BRINP1: variants seen among roughly 807,000 people sequenced by gnomAD.
The protein encoded by BRINP1 is BMP/retinoic acid-inducible neural-specific protein 1.
BRINP1 carries 17 observed loss-of-function variants against 72.9 expected under a neutral mutation model. The observed-to-expected ratio is 0.23, with a 90% CI of 0.16 to 0.35. BRINP1 has a LOEUF of 0.35. Among genes scored for constraint, BRINP1 ranks in the 10% least tolerant of loss-of-function variants. The pLI is 1.00. For synonymous variants in BRINP1, 418 were observed against 378.5 expected, an observed-to-expected ratio of 1.10 and a Z score of -1.21; for missense variants, 850 against 1,001.6, an observed-to-expected ratio of 0.85 and a Z score of 2.04.
chr9:119,205,897 C>T (rs1829848966), intron 7 of BRINP1, among the ~76,000 whole-genome samples: 2 of 152,122 alleles, frequency 1.3e-5, no homozygotes, highest in African/African-American at 4.8e-5. Context: ...AGCTTCGTTG[C>T]TCCTTGGGAT....
At chr9:119,205,128 C>T (rs965641030) in intron 7 of BRINP1, among the ~76,000 whole-genome samples, 2 of 149,594 alleles carry the variant, frequency 1.3e-5, no homozygotes, top group Admixed American at 6.7e-5. Flanking sequence ...AGGTGCCCTG[C>T]GGTGTGAGAA....
In BRINP1 at chr9:119,368,965, G is replaced by T; in HGVS notation, c.-51+91C>A. The T allele has an allele frequency of 2.6e-6, 1 of 389,666 alleles. No homozygotes were observed. The highest frequency in any genetic ancestry group is 4.5e-6 in the Non-Finnish European group (1 of 220,720). The allele number at this position is 389,666 out of a possible 1,614,324, so 24.1% of individuals were successfully genotyped here. A position where few individuals can be genotyped will look rare whatever the true frequency, so the allele number is the denominator to read the frequency against. ...GGACAAGGGTGCCGGTAGGGGGAGG[G>T]GCAGAGGAGCGCGGGGACGCCCCGA... On this transcript the variant is annotated intron_variant, in intron 1 of 7. Coordinates refer to ENST00000265922, the MANE Select transcript of BRINP1 (RefSeq NM_014618.3). This position sits in a 1 kb window ranked among gnomAD's most constrained non-coding sequence, Gnocchi z 4.7.
At chr9:119,183,200 A>G (rs2118840621) in intron 7 of BRINP1, among the ~76,000 whole-genome samples, 1 of 152,274 alleles carries the variant, frequency 6.6e-6, no homozygotes, top group African/African-American at 2.4e-5. Context: ...AGGCATATAT[A>G]AAGACATGTA....
intron 7 of BRINP1, among the ~76,000 whole-genome samples, chr9:119,198,483 G>A (rs1293783026): frequency 6.6e-6 from 1 of 152,082 alleles, no homozygotes; most frequent in Non-Finnish European, 1.5e-5. Flanking sequence ...TGTCAGACTA[G>A]AGAGTCTGAA....
At chr9:119,190,067 A>C (rs1829666506) in intron 7 of BRINP1, among the ~76,000 whole-genome samples, 1 of 152,068 alleles carries the variant, frequency 6.6e-6, no homozygotes, top group Non-Finnish European at 1.5e-5. Context: ...ATGCTCCTTA[A>C]CAACCAATAG....
At chr9:119,171,833 C>CA (rs1222637103) in intron 7 of BRINP1, among the ~76,000 whole-genome samples, 1 of 118,234 alleles carries the variant, frequency 8.5e-6, no homozygotes, top group Non-Finnish European at 1.7e-5. Context: ...GAATCTCACT[C>CA]AAAACTGCTC....
chr9:119,293,572 C>T (rs1021666345), intron 2 of BRINP1, among the ~76,000 whole-genome samples: 1 of 152,030 alleles, frequency 6.6e-6, no homozygotes, highest in Non-Finnish European at 1.5e-5. Flanking sequence ...AGATAGATGC[C>T]AATGCTTCAT....
At chr9:119,292,416 AAC>A (rs1830829634) in intron 2 of BRINP1, among the ~76,000 whole-genome samples, 1 of 152,222 alleles carries the variant, frequency 6.6e-6, no homozygotes, top group African/African-American at 2.4e-5. Context: ...GTCTGTCACT[AAC>A]ACCATACAAT....
At chr9:119,341,037 G>T (rs1444676925) in intron 1 of BRINP1, among the ~76,000 whole-genome samples, 1 of 152,128 alleles carries the variant, frequency 6.6e-6, no homozygotes. Flanking sequence ...CACAGCAACG[G>T]CTCTCTTTGG....
intron 2 of BRINP1, among the ~76,000 whole-genome samples, chr9:119,300,601 CCTT>C: frequency 6.6e-6 from 1 of 152,190 alleles, no homozygotes. Flanking sequence ...ATAGTCCCCT[CCTT>C]CTTAAAGCCA....
intron 1 of BRINP1, among the ~76,000 whole-genome samples, chr9:119,356,398 T>C (rs1831565979): frequency 6.6e-6 from 1 of 152,250 alleles, no homozygotes; most frequent in South Asian, 2.1e-4. Flanking sequence ...TTATAAATTA[T>C]CTTCTCAATT....
chr9:119,340,541 A>T (rs1008784617), intron 1 of BRINP1, among the ~76,000 whole-genome samples: 1 of 152,218 alleles, frequency 6.6e-6, no homozygotes. Flanking sequence ...ATGTATCATA[A>T]CTGCTGAAAA....
At chr9:119,287,660 C>T (rs375329001) in intron 2 of BRINP1, among the ~76,000 whole-genome samples, 5 of 152,340 alleles carry the variant, frequency 3.3e-5, no homozygotes, top group East Asian at 1.9e-4. Context: ...GTAGCTACAA[C>T]GCCATCTGAG....
At chr9:119,255,629 C>T (rs185080360) in intron 2 of BRINP1, among the ~76,000 whole-genome samples, 1 of 152,194 alleles carries the variant, frequency 6.6e-6, no homozygotes, top group Admixed American at 6.5e-5. Context: ...CACTCAATGA[C>T]ACAGTGCACA....
At chr9:119,252,187 C>G (rs529415894) in intron 2 of BRINP1, among the ~76,000 whole-genome samples, 1 of 152,090 alleles carries the variant, frequency 6.6e-6, no homozygotes, top group Non-Finnish European at 1.5e-5. Context: ...CAACAGCTTC[C>G]GAGGAAATGA....
At chr9:119,278,482 T>A (rs959215568) in intron 2 of BRINP1, among the ~76,000 whole-genome samples, 1 of 152,214 alleles carries the variant, frequency 6.6e-6, no homozygotes, top group African/African-American at 2.4e-5. Context: ...GTGACTCTGC[T>A]CCAATGCGGG....
At chr9:119,319,310 T>C (rs1424769920) in intron 1 of BRINP1, among the ~76,000 whole-genome samples, 1 of 152,244 alleles carries the variant, frequency 6.6e-6, no homozygotes, top group Non-Finnish European at 1.5e-5. Context: ...TAATACCATC[T>C]ACATTTCCTC....
intron 1 of BRINP1, among the ~76,000 whole-genome samples, chr9:119,342,030 A>T (rs997012619): frequency 6.6e-6 from 1 of 152,050 alleles, no homozygotes; most frequent in South Asian, 2.1e-4. Flanking sequence ...GGTCACCCAA[A>T]GTGCTGGGAT....
chr9:119,230,586 G>A (rs1320170027), intron 5 of BRINP1, among the ~76,000 whole-genome samples: 1 of 151,914 alleles, frequency 6.6e-6, no homozygotes, highest in Non-Finnish European at 1.5e-5. Flanking sequence ...GAGTGAGGAT[G>A]TCATTTTAGG....
Sources: gnomAD v4.1 joint callset for allele counts (sites outside exome capture counted in the v4.1 genomes callset) on GRCh38, gnomAD v4.1.1 for gene constraint, Gnocchi (gnomAD v3.1) non-coding constraint, MANE v1.5 for transcripts, NCBI Gene and HGNC (gene_info 2026-07-23, HGNC 2026-07-21) for gene names.